Variants in TPD52L2 observed in about 807,000 individuals in gnomAD.
TPD52L2 encodes the protein tumor protein D54.
A neutral mutation model predicts 24.7 loss-of-function variants in TPD52L2; 19 were observed. The observed-to-expected ratio is 0.77, with a 90% CI of 0.54 to 1.13. TPD52L2 has a LOEUF of 1.13. Ranked by LOEUF, TPD52L2 falls within the 50% of genes most tolerant of loss-of-function variation. The pLI, the probability that TPD52L2 is intolerant of heterozygous loss-of-function variation, is 0.00. For missense variants in TPD52L2, 236 were observed against 250.4 expected (o/e 0.94, Z 0.39); for synonymous variants, 104 against 100.2 (o/e 1.04, Z -0.23).
intron 1 of TPD52L2, among the ~76,000 whole-genome samples, chr20:63,868,532 C>T (rs998699985): frequency 7.9e-5 from 12 of 152,202 alleles, no homozygotes; most frequent in African/African-American, 2.9e-4. Flanking sequence ...CCTGAAGGAG[C>T]TGAATGAGCA....
At chr20:63,871,087 G>A (rs1383724858) in intron 2 of TPD52L2, among the ~76,000 whole-genome samples, 1 of 152,084 alleles carries the variant, frequency 6.6e-6, no homozygotes, top group African/African-American at 2.4e-5. Context: ...CTGTCGCCCA[G>A]GCTAGAGTGC....
intron 4 of TPD52L2, among the ~76,000 whole-genome samples, chr20:63,878,935 G>C (rs1182760219): frequency 1.3e-5 from 2 of 152,178 alleles, no homozygotes; most frequent in Non-Finnish European, 2.9e-5. Context: ...CTGTCATGGA[G>C]TAATAACAAC....
At chr20:63,889,544 C>T (rs901520142) in intron 6 of TPD52L2, among the ~76,000 whole-genome samples, 10 of 152,192 alleles carry the variant, frequency 6.6e-5, no homozygotes, top group Non-Finnish European at 1.0e-4. Flanking sequence ...GCCATGCTGA[C>T]CTTCCTCCCG....
intron 2 of TPD52L2, among the ~76,000 whole-genome samples, chr20:63,870,233 A>G (rs551039087): frequency 6.6e-6 from 1 of 152,326 alleles, no homozygotes; most frequent in African/African-American, 2.4e-5. Context: ...CTCCAACCAT[A>G]ATTTTTAGTC....
At chr20:63,875,152 A>AATATATATAT (rs565813974) in intron 3 of TPD52L2, among the ~76,000 whole-genome samples, 125 of 141,748 alleles carry the variant, frequency 8.8e-4, no homozygotes, top group South Asian at 1.8e-3. Flanking sequence ...AAAAAAAAAA[A>AATATATATAT]ATATATATAT....
At position 63,875,681 on chromosome 20, in the gene TPD52L2, A is replaced by G. The variant is rs2052645384; in HGVS notation, c.315-135A>G. 4.7e-6 allele frequency: 4 copies of G among 856,466 alleles called. No homozygotes were observed. In the South Asian group the frequency reaches 4.8e-5, roughly 10 times the overall value. 53.1% of individuals were successfully genotyped at this position (856,466 alleles called of 1,614,324 possible). On this transcript the variant is annotated intron_variant, in intron 3 of 6. Transcript: ENST00000346249. ...GGGCCTGGTTGAGGCAGTGGACCCC[A>G]TTTTTGGGCCGTCTGTGGAGTTGAT...
At chr20:63,875,177 A>G (rs749808792) in intron 3 of TPD52L2, among the ~76,000 whole-genome samples, 1 of 150,034 alleles carries the variant, frequency 6.7e-6, no homozygotes, top group Non-Finnish European at 1.5e-5. Context: ...ATATTTATAT[A>G]TAGGACCATA....
At chr20:63,869,207 C>G in intron 1 of TPD52L2, 89 bp from the exon 2 acceptor site, 1 of 1,497,782 alleles carries the variant, frequency 6.7e-7, no homozygotes, top group Non-Finnish European at 9.3e-7. Flanking sequence ...CCCACTCCCA[C>G]CTGTGCTTTT....
In TPD52L2 at chr20:63,875,723, C is replaced by A; in HGVS notation, c.315-93C>A. The A allele has an allele frequency of 3.1e-6, 4 of 1,304,442 alleles. No homozygotes were observed. The South Asian group carries it at 3.7e-5, about 12-fold the overall frequency. 80.8% of individuals were successfully genotyped at this position (1,304,442 alleles called of 1,614,324 possible). ...GGAGTTGATGTTCCTGCCAGCTGGT[C>A]CCTCTCTGTCTTCCCTGGAACTTCA... On this transcript the variant is annotated intron_variant, in intron 3 of 6. Transcript: ENST00000346249.
intron 5 of TPD52L2, 81 bp from the exon 6 acceptor site, chr20:63,889,109 T>A: frequency 6.2e-6 from 8 of 1,290,490 alleles, no homozygotes; most frequent in Non-Finnish European, 9.0e-6. Context: ...AGGCTGGCCC[T>A]AACCCTGAGG....
At chr20:63,888,888 G>T in intron 5 of TPD52L2, 1 of 455,098 alleles carries the variant, frequency 2.2e-6, no homozygotes, top group Non-Finnish European at 4.0e-6. Context: ...ACGAGAGCCC[G>T]GGATGTCCCT....
At chr20:63,885,921 G>T in intron 5 of TPD52L2, 2 of 1,339,338 alleles carry the variant, frequency 1.5e-6, no homozygotes, top group Non-Finnish European at 2.1e-6. Context: ...CGAGCAGGGG[G>T]CCTCCCCTGG....
chr20:63,871,005 T>G (rs2052442561), intron 2 of TPD52L2, among the ~76,000 whole-genome samples: 1 of 151,564 alleles, frequency 6.6e-6, no homozygotes, highest in Non-Finnish European at 1.5e-5. Flanking sequence ...TGTGAGCCAC[T>G]GTGCCCGGCC....
At chr20:63,886,384 G>C (rs1041947938) in intron 5 of TPD52L2, among the ~76,000 whole-genome samples, 2 of 150,954 alleles carry the variant, frequency 1.3e-5, no homozygotes, top group Non-Finnish European at 3.0e-5. Context: ...TTTTTTAGAC[G>C]GAGTCTTGCT....
chr20:63,888,985 C>G (rs985831877), intron 5 of TPD52L2: 22 of 615,314 alleles, frequency 3.6e-5, no homozygotes, highest in Admixed American at 5.3e-5. Context: ...TGGACCTGTC[C>G]CTGTGGTTGT....
chr20:63,883,602 C>T (rs2052982192), intron 5 of TPD52L2, among the ~76,000 whole-genome samples: 1 of 152,162 alleles, frequency 6.6e-6, no homozygotes, highest in Admixed American at 6.5e-5. Context: ...CTGCTGCCCA[C>T]CCTGCCCTGA....
chr20:63,869,885 G>C (rs1195753235), intron 2 of TPD52L2, among the ~76,000 whole-genome samples: 2 of 152,212 alleles, frequency 1.3e-5, no homozygotes, highest in African/African-American at 4.8e-5. Context: ...AGCGCCTTAG[G>C]AGGACAGGGT....
chr20:63,876,020 A>C (rs1328261593), intron 4 of TPD52L2, 145 bp downstream of exon 4: 2 of 800,216 alleles, frequency 2.5e-6, no homozygotes, highest in Admixed American at 2.7e-5. Flanking sequence ...TTCTTCTCTC[A>C]GGTAAACTAT....
intron 5 of TPD52L2, chr20:63,887,137 A>G: frequency 3.3e-6 from 1 of 299,286 alleles, no homozygotes; most frequent in South Asian, 2.9e-5. Context: ...GGGCGCCGCC[A>G]GCACGTGCCC....
Sources: gnomAD v4.1 joint callset for allele counts (sites outside exome capture counted in the v4.1 genomes callset) on GRCh38, gnomAD v4.1.1 for gene constraint, MANE v1.5 for transcripts, NCBI Gene and HGNC (gene_info 2026-07-23, HGNC 2026-07-21) for gene names.